Variants in DBX2 observed in about 807,000 individuals in gnomAD.
DBX2 encodes homeobox protein DBX2.
DBX2 carries 16 observed loss-of-function variants against 17.7 expected under a neutral mutation model. The observed-to-expected ratio is 0.90, with a 90% CI of 0.61 to 1.37. The LOEUF (loss-of-function observed/expected upper bound fraction) is 1.37, where lower values mean the gene tolerates loss of function less well. DBX2 is among the 40% of genes most tolerant of loss of function. DBX2 has a pLI of 0.00. For synonymous variants in DBX2, 255 were observed against 183.8 expected, an observed-to-expected ratio of 1.39 and a Z score of -3.13; for missense variants, 538 against 433.8, an observed-to-expected ratio of 1.24 and a Z score of -2.13.
chr12:45,022,675 G>A (rs879193116), intron 3 of DBX2, among the ~76,000 whole-genome samples: 5 of 152,132 alleles, frequency 3.3e-5, no homozygotes, highest in South Asian at 4.1e-4. Context: ...GTAGAGCATG[G>A]TGGTTTGAAC....
intron 1 of DBX2, among the ~76,000 whole-genome samples, chr12:45,044,120 GC>G (rs1946486591): frequency 1.3e-5 from 2 of 152,192 alleles, no homozygotes; most frequent in Non-Finnish European, 2.9e-5. Flanking sequence ...AATACTTTAT[GC>G]TTTGTGAGCT....
At chr12:45,026,556 C>A (rs993130066) in intron 2 of DBX2, among the ~76,000 whole-genome samples, 3 of 152,172 alleles carry the variant, frequency 2.0e-5, no homozygotes, top group African/African-American at 4.8e-5. Context: ...GATACCACAA[C>A]AAATGTACTA....
At chr12:45,038,867 AT>A (rs1198968370) in intron 1 of DBX2, among the ~76,000 whole-genome samples, 7 of 152,044 alleles carry the variant, frequency 4.6e-5, no homozygotes, top group Non-Finnish European at 1.0e-4. Context: ...CCCTATCTTA[AT>A]ATAAAAAAGC....
Position 45,050,894 on chromosome 12 carries a change from C to T in DBX2, c.34G>A (p.Ala12Thr), listed in dbSNP as rs749431782. 1 of 1,520,188 alleles carries T rather than the reference C, an allele frequency of 6.6e-7. No individual in the cohort carries two copies. The highest frequency in any genetic ancestry group is 1.2e-5 in the South Asian group (1 of 80,134). 94.2% of individuals were successfully genotyped at this position (1,520,188 alleles called of 1,614,324 possible). A position where few individuals can be genotyped will look rare whatever the true frequency, so the allele number is the denominator to read the frequency against. ...LPSAVAAHAG[A>T]YWDVVASSAL... Reference sequence around the variant, plus strand: ...GAGGAAGCCACAACGTCCCAGTACGCACCGGCGTGGGCTGCGACCGCGCTG... The same window carrying T: ...GAGGAAGCCACAACGTCCCAGTACGTACCGGCGTGGGCTGCGACCGCGCTG... The change falls in exon 1 of 4, where the codon GCG (alanine) becomes ACG (threonine). Residue 12 changes from alanine (A) to threonine (T), a missense_variant. Transcript: ENST00000332700.
intron 1 of DBX2, among the ~76,000 whole-genome samples, chr12:45,048,381 A>G (rs1845461634): frequency 6.6e-6 from 1 of 152,202 alleles, no homozygotes; most frequent in African/African-American, 2.4e-5. Flanking sequence ...ATAACATTTC[A>G]GAAAAATATG....
At chr12:45,040,940 C>T (rs1208223450) in intron 1 of DBX2, among the ~76,000 whole-genome samples, 1 of 151,144 alleles carries the variant, frequency 6.6e-6, no homozygotes, top group African/African-American at 2.4e-5. Flanking sequence ...ATACTAAAGA[C>T]CACTAATAAA....
chr12:45,050,214 G>T (rs1315157863), intron 1 of DBX2, among the ~76,000 whole-genome samples: 5 of 152,184 alleles, frequency 3.3e-5, no homozygotes, highest in Non-Finnish European at 1.5e-5. Flanking sequence ...CAGGCAGGCC[G>T]TAGAACCCTC....
chr12:45,020,759 T>C (rs1271688471), intron 3 of DBX2, among the ~76,000 whole-genome samples: 1 of 151,794 alleles, frequency 6.6e-6, no homozygotes, highest in East Asian at 1.9e-4. Flanking sequence ...AGCTACTTCA[T>C]AAAAATTTTG....
chr12:45,050,358 G>GC (rs374026618), intron 1 of DBX2, among the ~76,000 whole-genome samples, 167 bp downstream of exon 1: 8 of 152,316 alleles, frequency 5.3e-5, no homozygotes, highest in East Asian at 1.9e-4. Flanking sequence ...CTCCGCCTGG[G>GC]CCCCCTACTC....
In DBX2 at chr12:45,023,278, T is replaced by G. The variant is rs553193225; in HGVS notation, c.687+429A>C. 2.6e-5 allele frequency among the ~76,000 whole-genome samples: 4 copies of G among 152,298 alleles called. No homozygotes were observed. The South Asian group carries it at 6.2e-4, about 24-fold the overall frequency. ...ATGAGTCACTCATTCATGGTTTGATTTTTGGATTGGAAGTGAAAAGAAAGA... is the reference window on the plus strand; with the variant it reads ...ATGAGTCACTCATTCATGGTTTGATGTTTGGATTGGAAGTGAAAAGAAAGA... On this transcript the variant is annotated intron_variant, in intron 3 of 3. Transcript: ENST00000332700.
At chr12:45,043,320 A>C (rs926572765) in intron 1 of DBX2, among the ~76,000 whole-genome samples, 1 of 152,200 alleles carries the variant, frequency 6.6e-6, no homozygotes, top group African/African-American at 2.4e-5. Context: ...TCTGCAACTA[A>C]GTCTTATGAA....
rs114588683 is a variant in DBX2, at chr12:45,021,749, C to T, written c.687+1958G>A. Among the ~76,000 whole-genome samples the T allele has an allele frequency of 6.2e-3, 937 of 152,266 alleles. 13 individuals carry two copies. The highest frequency in any genetic ancestry group is 0.021 in the African/African-American group (883 of 41,548). On this transcript the variant is annotated intron_variant, in intron 3 of 3. Coordinates refer to ENST00000332700, the MANE Select transcript of DBX2 (RefSeq NM_001004329.3). The stretch of plus-strand genomic sequence containing the variant: ...AGTAGTATATGGACCAATCACACGG[C>T]TGTCCTTTGCAGAGATGGGGATCAA...
In DBX2 at chr12:45,049,875, G is replaced by A. The variant is rs1022962386; in HGVS notation, c.403+650C>T. Among the ~76,000 whole-genome samples, 11 of 152,142 alleles carry A rather than the reference G, an allele frequency of 7.2e-5. 1 individual carries two copies. The South Asian group carries it at 2.3e-3, about 32-fold the overall frequency. On this transcript the variant is annotated intron_variant, in intron 1 of 3. Transcript: ENST00000332700. ...TCTTTCGGTAAATTCTTATTTATTG[G>A]TGAACTTCCTACTCCAGTTGCCAAT...
At chr12:45,024,822 A>G (rs970384976) in intron 2 of DBX2, among the ~76,000 whole-genome samples, 1 of 152,220 alleles carries the variant, frequency 6.6e-6, no homozygotes, top group Non-Finnish European at 1.5e-5. Flanking sequence ...GAAAGCTTGC[A>G]AAAGTCAGAG....
In DBX2 at chr12:45,015,546, C is replaced by T. The variant is rs1946318526; in HGVS notation, c.*740G>A. The T allele has an allele frequency of 6.6e-6, 1 of 152,168 alleles. No individual in the cohort carries two copies. The highest frequency in any genetic ancestry group is 2.4e-5 in the African/African-American group (1 of 41,458). 9.4% of individuals were successfully genotyped at this position (152,168 alleles called of 1,614,324 possible). ...AAACCCTGGTCTAGGCCCATCTTTA[C>T]AGAGAAGAGATCAAAAAATAATTAT... On this transcript the variant is annotated 3_prime_UTR_variant, in exon 4 of 4. Transcript: ENST00000332700.
chr12:45,015,580 TG>T lies in DBX2; in HGVS notation c.*705del. On this transcript the variant is annotated 3_prime_UTR_variant, in exon 4 of 4. Transcript: ENST00000332700. Reference sequence around the variant, plus strand: ...GATCAAAAAATAATTATTAGTTAAATGGGTCTCTCCCTCATGATGGCCCGAT... The same window carrying T: ...GATCAAAAAATAATTATTAGTTAAATGGTCTCTCCCTCATGATGGCCCGAT... 6.6e-6 allele frequency: 1 copy of T among 152,314 alleles called. No individual in the cohort carries two copies. The highest frequency in any genetic ancestry group is 2.4e-5 in the African/African-American group (1 of 41,572). The allele number at this position is 152,314 out of a possible 1,614,324, so 9.4% of individuals were successfully genotyped here.
At chr12:45,029,059 A>T (rs1210582699) in intron 2 of DBX2, among the ~76,000 whole-genome samples, 1 of 152,250 alleles carries the variant, frequency 6.6e-6, no homozygotes, top group Admixed American at 6.5e-5. Flanking sequence ...CCTTCTAAAC[A>T]TACATATAAG....
chr12:45,044,498 C>A (rs924116843), intron 1 of DBX2, among the ~76,000 whole-genome samples: 1 of 151,972 alleles, frequency 6.6e-6, no homozygotes, highest in Non-Finnish European at 1.5e-5. Flanking sequence ...TTCTGATGGT[C>A]GCTTAGAGTT....
At chr12:45,033,112 A>T (rs1946418717) in intron 2 of DBX2, among the ~76,000 whole-genome samples, 1 of 152,202 alleles carries the variant, frequency 6.6e-6, no homozygotes, top group Non-Finnish European at 1.5e-5. Flanking sequence ...TGAATGAATG[A>T]TTGTTACCAC....
Sources: allele counts gnomAD v4.1 joint callset (sites outside exome capture counted in the v4.1 genomes callset), GRCh38; gene constraint gnomAD v4.1.1; transcripts MANE v1.5; gene names NCBI Gene and HGNC (gene_info 2026-07-23, HGNC 2026-07-21).